The following GLIS3 variants were observed in gnomAD, a reference collection of about 807,000 sequenced individuals.
GLIS3 encodes zinc finger protein GLIS3.
GLIS3 carries 53 observed loss-of-function variants against 78.6 expected under a neutral mutation model. The observed-to-expected ratio is 0.67, with a 90% confidence interval of 0.54 to 0.85. The LOEUF is 0.85. Among genes scored for constraint, GLIS3 ranks in the 40% least tolerant of loss-of-function variants. The pLI, the probability that GLIS3 is intolerant of heterozygous loss-of-function variation, is 0.00. For missense variants in GLIS3, 1,703 were observed against 1,231.1 expected (o/e 1.38, Z -5.74); for synonymous variants, 684 against 509.9 (o/e 1.34, Z -4.60).
chr9:4,369,957 C>A, the GLIS3 span, among the ~76,000 whole-genome samples: 2 of 152,022 alleles, frequency 1.3e-5, no homozygotes, highest in Non-Finnish European at 1.5e-5. Flanking sequence ...TTTGGGAGGC[C>A]GAGGCAGGCA....
intron 2 of GLIS3, among the ~76,000 whole-genome samples, chr9:4,268,674 T>A (rs1375755715): frequency 2.6e-5 from 4 of 152,188 alleles, no homozygotes; most frequent in African/African-American, 4.8e-5. Context: ...GACACCCACA[T>A]AGAATACTCC....
chr9:4,112,307 C>T (rs1831283692), intron 4 of GLIS3, among the ~76,000 whole-genome samples: 1 of 152,142 alleles, frequency 6.6e-6, no homozygotes, highest in Non-Finnish European at 1.5e-5. Flanking sequence ...CATTAAACTA[C>T]CCTAATCATT....
chr9:4,382,838 T>A, the GLIS3 span, among the ~76,000 whole-genome samples: 68 of 152,314 alleles, frequency 4.5e-4, no homozygotes, highest in Non-Finnish European at 8.7e-4. Flanking sequence ...AAAAATCTGT[T>A]CATTTTCTAA....
chr9:3,925,626 C>T (rs2218478), intron 6 of GLIS3, among the ~76,000 whole-genome samples: 28,440 of 151,902 alleles, frequency 0.19, 3,234 homozygotes, highest in Non-Finnish European at 0.26. Flanking sequence ...TGTGTGCGCG[C>T]GATCACTGTG....
chr9:4,118,945 T>A lies in GLIS3; in HGVS notation c.597-64A>T, dbSNP rs1831974491. On this transcript the variant is annotated intron_variant, in intron 3 of 10. Coordinates refer to ENST00000381971, the MANE Select transcript of GLIS3 (RefSeq NM_001042413.2). The surrounding 1 kb of genome is among the most constrained non-coding windows in gnomAD (Gnocchi z 4.7). ...AACATTTTAGCAGGATACGGATTGC[T>A]TAAGAGCTAAAAGAACACTGCATTG... 1 of 1,528,708 alleles carries A rather than the reference T, an allele frequency of 6.5e-7. No individual in the cohort carries two copies. The highest frequency in any genetic ancestry group is 1.2e-5 in the South Asian group (1 of 85,344). The allele number at this position is 1,528,708 out of a possible 1,614,324, so 94.7% of individuals were successfully genotyped here.
rs56734583 is a variant in GLIS3, at chr9:4,279,297, CAAAA to C, written c.388+6737_388+6740del. On this transcript the variant is annotated intron_variant, in intron 2 of 10. Transcript: ENST00000381971. Reference sequence around the variant, plus strand: ...TGGGCAACAGAGCAAGACTCCATCTCAAAAAAAAAAAAAAAAAATATATATATAC... The same window carrying C: ...TGGGCAACAGAGCAAGACTCCATCTCAAAAAAAAAAAAAATATATATATAC... 5.7e-4 allele frequency among the ~76,000 whole-genome samples: 52 copies of C among 91,964 alleles called. 1 individual carries two copies. The highest frequency in any genetic ancestry group is 1.3e-3 in the African/African-American group (31 of 24,178). 60.3% of individuals were successfully genotyped at this position (91,964 alleles called of 152,430 possible).
chr9:4,306,424 A>G (rs989704515), intron 4 of GLIS3, among the ~76,000 whole-genome samples: 2 of 152,156 alleles, frequency 1.3e-5, no homozygotes, highest in Non-Finnish European at 2.9e-5. Context: ...CAGCTAGTCA[A>G]CCCTGTGAGG....
the GLIS3 span, among the ~76,000 whole-genome samples, chr9:4,363,544 C>T: frequency 0.71 from 108,490 of 152,116 alleles, 39,616 homozygotes; most frequent in African/African-American, 0.86. Flanking sequence ...AAGATACTTA[C>T]AAATTAAACA....
At chr9:4,230,323 G>C (rs911146628) in intron 2 of GLIS3, among the ~76,000 whole-genome samples, 2 of 152,202 alleles carry the variant, frequency 1.3e-5, no homozygotes, top group African/African-American at 4.8e-5. Flanking sequence ...GAAGCAGGCA[G>C]GGGCAACAGA....
intron 4 of GLIS3, among the ~76,000 whole-genome samples, chr9:4,103,462 C>T (rs2130809884): frequency 6.6e-6 from 1 of 152,240 alleles, no homozygotes; most frequent in Non-Finnish European, 1.5e-5. Flanking sequence ...ACCAAATTCA[C>T]TGAGAGATTA....
chr9:4,104,228 C>T (rs181316966), intron 4 of GLIS3, among the ~76,000 whole-genome samples: 19 of 152,220 alleles, frequency 1.2e-4, no homozygotes, highest in African/African-American at 4.1e-4. Flanking sequence ...CCAAAATCAA[C>T]CGATCTGCTT....
rs139330924 is a variant in GLIS3, at chr9:3,984,495, G to A, written c.1711-47306C>T. Among the ~76,000 whole-genome samples, 277 of 152,286 alleles carry A rather than the reference G, an allele frequency of 1.8e-3. 1 individual carries two copies. The highest frequency in any genetic ancestry group is 5.9e-3 in the African/African-American group (244 of 41,574). ...TCGGCCAATTTCTCCCATTTGGAAT[G>A]GCTGTATTTACCCAATGCCTGTACC... is the stretch of plus-strand genomic sequence containing the variant. On this transcript the variant is annotated intron_variant, in intron 4 of 10. Transcript: ENST00000381971.
the GLIS3 span, among the ~76,000 whole-genome samples, chr9:4,408,373 T>G: frequency 2.5e-4 from 37 of 149,296 alleles, no homozygotes; most frequent in South Asian, 6.1e-3. Context: ...CTATAGAGAA[T>G]AGAACGATGG....
chr9:4,182,554 G>C (rs1279258680), intron 2 of GLIS3, among the ~76,000 whole-genome samples: 1 of 152,170 alleles, frequency 6.6e-6, no homozygotes, highest in Non-Finnish European at 1.5e-5. Flanking sequence ...TGATGAGAAA[G>C]CATGGGGAGT....
At chr9:3,875,263 A>C (rs895633344) in intron 8 of GLIS3, among the ~76,000 whole-genome samples, 1 of 152,214 alleles carries the variant, frequency 6.6e-6, no homozygotes, top group Non-Finnish European at 1.5e-5. Context: ...GTGCTGCTTA[A>C]ATCACTGAAA....
chr9:3,850,008 T>G (rs918163632), intron 9 of GLIS3, among the ~76,000 whole-genome samples: 1 of 152,200 alleles, frequency 6.6e-6, no homozygotes, highest in Non-Finnish European at 1.5e-5. Flanking sequence ...CGAAAAATCT[T>G]GTCCTCTGCA....
chr9:4,237,297 A>C (rs138937402), intron 2 of GLIS3, among the ~76,000 whole-genome samples: 18 of 152,264 alleles, frequency 1.2e-4, no homozygotes, highest in Admixed American at 5.9e-4. Context: ...TCTAGACGGA[A>C]TATTACACAG....
chr9:3,959,933 C>T (rs551534527), intron 4 of GLIS3, among the ~76,000 whole-genome samples: 24 of 152,296 alleles, frequency 1.6e-4, no homozygotes, highest in African/African-American at 5.8e-4. Flanking sequence ...AGGCGGACCA[C>T]CTGAGGTCAG....
chr9:4,257,198 G>A (rs576586827), intron 2 of GLIS3, among the ~76,000 whole-genome samples: 5 of 152,250 alleles, frequency 3.3e-5, no homozygotes, highest in African/African-American at 1.2e-4. Context: ...TGACAATATG[G>A]ATGAACCTAG....
Sources: allele counts gnomAD v4.1 joint callset (sites outside exome capture counted in the v4.1 genomes callset), GRCh38; gene constraint gnomAD v4.1.1; non-coding constraint Gnocchi (gnomAD v3.1); transcripts MANE v1.5; gene names NCBI Gene and HGNC (gene_info 2026-07-23, HGNC 2026-07-21).